The following BIVM variants were observed in gnomAD, a reference collection of about 807,000 sequenced individuals.
The protein encoded by BIVM is basic, immunoglobulin-like variable motif containing, also known as basic immunoglobulin-like variable motif-containing protein.
BIVM carries 31 observed loss-of-function variants against 61.4 expected under a neutral mutation model. The ratio of observed to expected loss-of-function variants is 0.51; its 90% confidence interval spans 0.38 to 0.68. The LOEUF is 0.68. Among genes scored for constraint, BIVM ranks in the 30% least tolerant of loss-of-function variants. The probability of loss-of-function intolerance (pLI) is 0.00; values close to 1 mark genes in which losing one functional copy is unlikely to be tolerated. For synonymous variants in BIVM, 189 were observed against 210.7 expected (o/e 0.90, Z 0.89); for missense variants, 526 against 596.0 (o/e 0.88, Z 1.22).
Position 102,821,389 on chromosome 13 carries a change from G to C in BIVM, c.701+257G>C, listed in dbSNP as rs1011715396. Among the ~76,000 whole-genome samples, 4 of 152,026 alleles carry C rather than the reference G, an allele frequency of 2.6e-5. No homozygotes were observed. In the East Asian group the frequency reaches 7.7e-4, roughly 29 times the overall value. ...CGGGAGTATTGCTTGAAGCCAAGGA[G>C]TTTGAGACCAGCCTGGGCAACAAAG... On this transcript the variant is annotated intron_variant, in intron 5 of 10. Coordinates refer to ENST00000257336, the MANE Select transcript of BIVM (RefSeq NM_017693.4).
intron 8 of BIVM, among the ~76,000 whole-genome samples, chr13:102,832,004 A>G (rs1181117369): frequency 6.6e-6 from 1 of 152,138 alleles, no homozygotes; most frequent in Non-Finnish European, 1.5e-5. Flanking sequence ...AATTAAAAAA[A>G]TTAAAAAATA....
chr13:102,803,501 T>TA (rs1206361395), intron 1 of BIVM, among the ~76,000 whole-genome samples: 1 of 151,814 alleles, frequency 6.6e-6, no homozygotes, highest in East Asian at 1.9e-4. Context: ...AGATTCCATT[T>TA]AAAAAAATCA....
chr13:102,811,376 A>T (rs1355096851), intron 3 of BIVM, among the ~76,000 whole-genome samples: 2 of 151,534 alleles, frequency 1.3e-5, no homozygotes, highest in Non-Finnish European at 2.9e-5. Flanking sequence ...TTTTTTTTTT[A>T]TTTCAGCACT....
At chr13:102,829,216 C>T (rs1411175362) in intron 7 of BIVM, among the ~76,000 whole-genome samples, 3 of 152,108 alleles carry the variant, frequency 2.0e-5, no homozygotes, top group African/African-American at 4.8e-5. Flanking sequence ...ACTAAGCAAA[C>T]TCAGAATGTC....
At chr13:102,831,148 A>G (rs1345401331) in intron 7 of BIVM, among the ~76,000 whole-genome samples, 1 of 152,230 alleles carries the variant, frequency 6.6e-6, no homozygotes, top group African/African-American at 2.4e-5. Flanking sequence ...TTATAAAGAC[A>G]TATTAGTACA....
At chr13:102,812,692 T>C (rs747178153) in intron 3 of BIVM, among the ~76,000 whole-genome samples, 20 of 152,070 alleles carry the variant, frequency 1.3e-4, no homozygotes, top group Admixed American at 5.9e-4. Context: ...GTTTTTGAAA[T>C]GTCTGGCTCC....
At position 102,833,327 on chromosome 13, in the gene BIVM, G is replaced by GTTTTTTTTTTTTTTTTTTT. The variant is rs532303115; in HGVS notation, c.1035-1121_1035-1120insTTTTTTTTTTTTTTTTTTT. ...TGGCTTGGTCATGGGGATAGGATGG[G>GTTTTTTTTTTTTTTTTTTT]TTTTTTTTTTTTTTTTTTGAGACAA... On this transcript the variant is annotated intron_variant, in intron 8 of 10. Coordinates refer to ENST00000257336, the MANE Select transcript of BIVM (RefSeq NM_017693.4). Among the ~76,000 whole-genome samples, 210 of 79,568 alleles carry GTTTTTTTTTTTTTTTTTTT rather than the reference G, an allele frequency of 2.6e-3. 45 individuals carry two copies. Among genetic ancestry groups the GTTTTTTTTTTTTTTTTTTT allele is most frequent in the Non-Finnish European group, 3.9e-3 (148 of 38,110 alleles). The allele number at this position is 79,568 out of a possible 152,430, so 52.2% of individuals were successfully genotyped here.
chr13:102,831,742 A>G (rs1336144956), intron 8 of BIVM, 45 bp downstream of exon 8: 1 of 1,607,964 alleles, frequency 6.2e-7, no homozygotes, highest in South Asian at 1.1e-5. Flanking sequence ...AGAAATATTA[A>G]AAAATAGATG....
intron 4 of BIVM, among the ~76,000 whole-genome samples, chr13:102,818,867 G>A (rs568662302): frequency 2.6e-5 from 4 of 152,206 alleles, no homozygotes; most frequent in Admixed American, 2.0e-4. Context: ...ATTCTTTCAG[G>A]CCAAATTTAG....
chr13:102,804,532 T>A (rs981843203), intron 1 of BIVM, among the ~76,000 whole-genome samples: 2 of 152,208 alleles, frequency 1.3e-5, no homozygotes, highest in African/African-American at 4.8e-5. Flanking sequence ...CAGGCTGGTC[T>A]CGAACTCTGA....
intron 9 of BIVM, among the ~76,000 whole-genome samples, chr13:102,836,149 A>G (rs975290625): frequency 6.6e-6 from 1 of 152,166 alleles, no homozygotes; most frequent in Non-Finnish European, 1.5e-5. Flanking sequence ...TCTGATGAAC[A>G]GAAGTTCTGA....
At chr13:102,815,063 A>ACAAT (rs1337474218) in intron 3 of BIVM, among the ~76,000 whole-genome samples, 1 of 152,108 alleles carries the variant, frequency 6.6e-6, no homozygotes, top group Non-Finnish European at 1.5e-5. Context: ...AAACAAACAA[A>ACAAT]CAAACAAAAA....
chr13:102,821,835 C>T lies in BIVM; in HGVS notation c.794C>T (p.Thr265Ile). ...DIRFGPFTGN[T>I]TLMRWFRQIN... is the part of the protein sequence containing the mutation. ...AGGTTTGGTCCTTTCACGGGGAATA[C>T]AACACTTATGAGGTATGAAGACCCT... Residue 265 changes from threonine (T) to isoleucine (I), a missense_variant, in exon 6 of 11, where the codon ACA (threonine) becomes ATA (isoleucine). Coordinates refer to ENST00000257336, the MANE Select transcript of BIVM (RefSeq NM_017693.4). 8 of 1,613,604 alleles carry T rather than the reference C, an allele frequency of 5.0e-6. No homozygotes were observed. The highest frequency in any genetic ancestry group is 1.1e-5 in the South Asian group (1 of 90,890).
intron 7 of BIVM, among the ~76,000 whole-genome samples, chr13:102,822,523 C>T (rs1880367937): frequency 6.6e-6 from 1 of 152,152 alleles, no homozygotes; most frequent in Admixed American, 6.5e-5. Context: ...ATGGAGTTAG[C>T]AGTTTTCTTC....
chr13:102,829,468 A>G (rs1425068395), intron 7 of BIVM, among the ~76,000 whole-genome samples: 1 of 152,206 alleles, frequency 6.6e-6, no homozygotes, highest in Non-Finnish European at 1.5e-5. Flanking sequence ...TTCTGAATTT[A>G]GCTTCCCTCA....
intron 3 of BIVM, among the ~76,000 whole-genome samples, chr13:102,815,537 C>T (rs1291366873): frequency 6.6e-6 from 1 of 152,000 alleles, no homozygotes; most frequent in East Asian, 1.9e-4. Context: ...GATGGATACC[C>T]CATTCTCCAT....
intron 1 of BIVM, among the ~76,000 whole-genome samples, chr13:102,804,239 C>T (rs1243144461): frequency 3.3e-5 from 5 of 152,158 alleles, no homozygotes; most frequent in Non-Finnish European, 5.9e-5. Context: ...CCTCCACCTT[C>T]GAGCCTCAAG....
Position 102,833,327 on chromosome 13 carries a change from G to GTTTTTTTTTTT in BIVM, c.1035-1131_1035-1121dup, listed in dbSNP as rs532303115. On this transcript the variant is annotated intron_variant, in intron 8 of 10. Coordinates refer to ENST00000257336, the MANE Select transcript of BIVM (RefSeq NM_017693.4). ...TGGCTTGGTCATGGGGATAGGATGGGTTTTTTTTTTTTTTTTTTGAGACAA... is the reference window on the plus strand; with the variant it reads ...TGGCTTGGTCATGGGGATAGGATGGGTTTTTTTTTTTTTTTTTTTTTTTTTTTTTGAGACAA... Among the ~76,000 whole-genome samples, 287 of 79,554 alleles carry GTTTTTTTTTTT rather than the reference G, an allele frequency of 3.6e-3. 58 individuals carry two copies. The highest frequency in any genetic ancestry group is 6.6e-3 in the South Asian group (12 of 1,820). The allele number at this position is 79,554 out of a possible 152,430, so 52.2% of individuals were successfully genotyped here. A position where few individuals can be genotyped will look rare whatever the true frequency, so the allele number is the denominator to read the frequency against.
intron 1 of BIVM, among the ~76,000 whole-genome samples, chr13:102,802,119 T>C (rs1456213756): frequency 6.6e-6 from 1 of 152,162 alleles, no homozygotes; most frequent in Admixed American, 6.5e-5. Context: ...TCTGCACAGG[T>C]CAGGTTAGAA....
Sources: allele counts gnomAD v4.1 joint callset (sites outside exome capture counted in the v4.1 genomes callset), GRCh38; gene constraint gnomAD v4.1.1; transcripts MANE v1.5; gene names NCBI Gene and HGNC (gene_info 2026-07-23, HGNC 2026-07-21).